ABHD17B: variants seen among roughly 807,000 people sequenced by gnomAD.
ABHD17B encodes abhydrolase domain containing 17B, depalmitoylase.
A neutral mutation model predicts 26.2 loss-of-function variants in ABHD17B; 9 were observed. That is an observed-to-expected ratio of 0.34 (90% CI 0.21 to 0.60). The LOEUF is 0.60. ABHD17B is among the 20% of genes least tolerant of loss of function. ABHD17B has a pLI of 0.80. For synonymous variants in ABHD17B, 127 were observed against 122.3 expected, an observed-to-expected ratio of 1.04 and a Z score of -0.25; for missense variants, 224 against 352.1, an observed-to-expected ratio of 0.64 and a Z score of 2.91.
At chr9:71,883,144 A>C (rs1826500852) in intron 1 of ABHD17B, among the ~76,000 whole-genome samples, 1 of 152,218 alleles carries the variant, frequency 6.6e-6, no homozygotes, top group South Asian at 2.1e-4. Context: ...CTCCATCTCA[A>C]AACAAACAAA....
intron 3 of ABHD17B, among the ~76,000 whole-genome samples, chr9:71,868,936 G>A (rs936199623): frequency 5.3e-5 from 8 of 152,066 alleles, no homozygotes; most frequent in African/African-American, 1.9e-4. Context: ...TGATCCACCC[G>A]CCACGGCCTC....
chr9:71,895,384 T>C (rs966800713), intron 1 of ABHD17B, among the ~76,000 whole-genome samples: 3 of 152,178 alleles, frequency 2.0e-5, no homozygotes, highest in African/African-American at 7.2e-5. Flanking sequence ...CTTAAGGAAT[T>C]TGACTAGACC....
intron 1 of ABHD17B, among the ~76,000 whole-genome samples, chr9:71,886,272 T>C (rs984824844): frequency 3.9e-5 from 6 of 152,090 alleles, no homozygotes; most frequent in Admixed American, 6.5e-5. Context: ...TGAAAGAAGA[T>C]GAAGCATCCA....
chr9:71,863,801 T>C (rs893678182), downstream of ABHD17B, among the ~76,000 whole-genome samples: 1 of 152,176 alleles, frequency 6.6e-6, no homozygotes, highest in Non-Finnish European at 1.5e-5. Context: ...TCTCAAATAT[T>C]TGAAGGTAGC....
rs758796707 is a variant in ABHD17B at position 71,866,909 on chromosome 9, G to A, written c.745C>T (p.Arg249Cys). 1.9e-6 allele frequency: 3 copies of A among 1,614,092 alleles called. No homozygotes were observed. The highest frequency in any genetic ancestry group is 1.3e-5 in the African/African-American group (1 of 75,006). ...DFSHGLALFE[R>C]CQRPVEPLWV... is the part of the protein sequence containing the mutation. ...AGAGGCTCCACAGGTCTTTGGCAAC[G>A]TTCAAACAATGCGAGGCCATGTGAA... is the stretch of plus-strand genomic sequence containing the variant. Residue 249 changes from arginine (R) to cysteine (C), a missense_variant, in exon 4 of 4, where the codon CGT (arginine) becomes TGT (cysteine). By Grantham distance (180) the Arg-to-Cys change is radical. Transcript: ENST00000333421.
chr9:71,875,157 G>T (rs971983333), intron 1 of ABHD17B, 74 bp from the exon 2 acceptor site: 3 of 1,157,692 alleles, frequency 2.6e-6, no homozygotes, highest in Non-Finnish European at 2.4e-6. Flanking sequence ...TTAAAACACA[G>T]ACATGGGTAA....
At chr9:71,892,434 G>A (rs1424230542) in intron 1 of ABHD17B, among the ~76,000 whole-genome samples, 2 of 151,930 alleles carry the variant, frequency 1.3e-5, no homozygotes, top group African/African-American at 4.8e-5. Flanking sequence ...TTGGGAGGCT[G>A]AGGCAGGAGA....
At chr9:71,874,114 C>G (rs1826189403) in intron 2 of ABHD17B, among the ~76,000 whole-genome samples, 1 of 151,996 alleles carries the variant, frequency 6.6e-6, no homozygotes, top group African/African-American at 2.4e-5. Flanking sequence ...TTTGAATAAA[C>G]ATTTTTTATA....
chr9:71,880,236 G>C (rs1826399496), intron 1 of ABHD17B, among the ~76,000 whole-genome samples: 1 of 152,038 alleles, frequency 6.6e-6, no homozygotes, highest in Non-Finnish European at 1.5e-5. Flanking sequence ...TCCAGAAAAT[G>C]AATGCTGCTC....
chr9:71,901,850 G>A (rs983081600), intron 1 of ABHD17B, among the ~76,000 whole-genome samples: 1 of 152,032 alleles, frequency 6.6e-6, no homozygotes, highest in Non-Finnish European at 1.5e-5. Flanking sequence ...CCTAATCCAT[G>A]CTCTACACTG....
chr9:71,895,225 C>T (rs1439345543), intron 1 of ABHD17B, among the ~76,000 whole-genome samples: 1 of 152,182 alleles, frequency 6.6e-6, no homozygotes, highest in Non-Finnish European at 1.5e-5. Flanking sequence ...TTCCTCCCTC[C>T]TCCCACCCCA....
chr9:71,909,968 G>A (rs923702047), intron 1 of ABHD17B, among the ~76,000 whole-genome samples: 2 of 151,114 alleles, frequency 1.3e-5, no homozygotes, highest in African/African-American at 4.9e-5. Context: ...ACTTTGTTTC[G>A]GGGTTAAAAA....
chr9:71,903,910 G>A (rs1327124279), intron 1 of ABHD17B, among the ~76,000 whole-genome samples: 1 of 152,124 alleles, frequency 6.6e-6, no homozygotes, highest in Non-Finnish European at 1.5e-5. Flanking sequence ...ACTTTTCCCA[G>A]GTTATCATGA....
intron 1 of ABHD17B, among the ~76,000 whole-genome samples, chr9:71,906,384 C>A (rs535604830): frequency 7.5e-4 from 114 of 152,316 alleles, no homozygotes; most frequent in African/African-American, 2.6e-3. Flanking sequence ...GCTAACATAC[C>A]TGTTTTAATC....
At chr9:71,888,504 T>C (rs1186927752) in intron 1 of ABHD17B, among the ~76,000 whole-genome samples, 4 of 152,204 alleles carry the variant, frequency 2.6e-5, no homozygotes, top group Non-Finnish European at 5.9e-5. Flanking sequence ...GAGTACCTAC[T>C]CAGTATTTTT....
At chr9:71,897,012 G>A (rs951523058) in intron 1 of ABHD17B, among the ~76,000 whole-genome samples, 6 of 152,154 alleles carry the variant, frequency 3.9e-5, no homozygotes, top group Non-Finnish European at 7.4e-5. Context: ...ATAAGAAAAT[G>A]TTTAGGTCTC....
chr9:71,865,953 T>A lies in ABHD17B; in HGVS notation c.*834A>T. On this transcript the variant is annotated 3_prime_UTR_variant, in exon 4 of 4. Coordinates refer to ENST00000333421, the MANE Select transcript of ABHD17B (RefSeq NM_001025780.3). ...CAACTCATGGACTTTCGGGATTTCA[T>A]ACAATGAAGACTACTGCAATTCTAT... 1.0e-6 allele frequency: 1 copy of A among 985,364 alleles called. No homozygotes were observed. Among genetic ancestry groups the A allele is most frequent in the Non-Finnish European group, 1.2e-6 (1 of 829,878 alleles). 61.0% of individuals were successfully genotyped at this position (985,364 alleles called of 1,614,324 possible).
At chr9:71,863,729 G>A (rs1408339679), downstream of ABHD17B, among the ~76,000 whole-genome samples, 1 of 152,060 alleles carries the variant, frequency 6.6e-6, no homozygotes, top group Admixed American at 6.5e-5. Flanking sequence ...GCTTTAATCT[G>A]GTATTGTGTA....
intron 1 of ABHD17B, among the ~76,000 whole-genome samples, chr9:71,888,931 A>T (rs911343069): frequency 4.6e-5 from 7 of 152,130 alleles, no homozygotes; most frequent in Non-Finnish European, 8.8e-5. Context: ...TACTGTATGC[A>T]AATAAATATT....
Sources: allele counts gnomAD v4.1 joint callset (sites outside exome capture counted in the v4.1 genomes callset), GRCh38; gene constraint gnomAD v4.1.1; transcripts MANE v1.5; gene names NCBI Gene and HGNC (gene_info 2026-07-23, HGNC 2026-07-21).